The following PTPRD variants were observed in gnomAD, a reference collection of about 807,000 sequenced individuals.
PTPRD encodes the protein protein tyrosine phosphatase receptor type D, also known as receptor-type tyrosine-protein phosphatase delta.
In PTPRD, 34 loss-of-function variants were observed where a neutral mutation model predicts 214.5. That is an observed-to-expected ratio of 0.16 (90% CI 0.12 to 0.21). The LOEUF is 0.21. Among genes scored for constraint, PTPRD ranks in the 10% least tolerant of loss-of-function variants. The pLI is 1.00. For missense variants in PTPRD, 2,545 were observed against 2,398.7 expected (o/e 1.06, Z -1.27); for synonymous variants, 1,128 against 845.7 (o/e 1.33, Z -5.79).
At chr9:9,347,343 T>G in intron 9 of PTPRD, among the ~76,000 whole-genome samples, 1 of 150,462 alleles carries the variant, frequency 6.6e-6, no homozygotes, top group East Asian at 1.9e-4. Context: ...TATCTATATA[T>G]CTATATGCAT....
rs867963053 is a variant in PTPRD, at chr9:9,139,130, T to C, written c.-143+44174A>G. Among the ~76,000 whole-genome samples, 229 of 141,336 alleles carry C rather than the reference T, an allele frequency of 1.6e-3. 2 individuals are homozygous for C. The highest frequency in any genetic ancestry group is 5.3e-3 in the African/African-American group (208 of 39,082). 92.7% of individuals were successfully genotyped at this position (141,336 alleles called of 152,430 possible). ...CCGCCCCCACCTTATCCGTGGGGGA[T>C]ACATTCTGAGACTCCTAGTGAATAC... On this transcript the variant is annotated intron_variant, in intron 10 of 45. Coordinates refer to ENST00000381196, the MANE Select transcript of PTPRD (RefSeq NM_002839.4).
At chr9:10,407,835 T>C (rs2098389024) in intron 2 of PTPRD, among the ~76,000 whole-genome samples, 5 of 151,634 alleles carry the variant, frequency 3.3e-5, no homozygotes, top group South Asian at 4.1e-4. Flanking sequence ...GAATGCTACA[T>C]ACTGCAAATG....
intron 3 of PTPRD, among the ~76,000 whole-genome samples, chr9:10,235,583 T>C (rs1379443291): frequency 6.6e-6 from 1 of 151,948 alleles, no homozygotes; most frequent in African/African-American, 2.4e-5. Flanking sequence ...GGAAAACAAA[T>C]GCTGGCACAA....
At chr9:8,495,171 G>A (rs1482101603) in intron 26 of PTPRD, among the ~76,000 whole-genome samples, 1 of 152,104 alleles carries the variant, frequency 6.6e-6, no homozygotes, top group Non-Finnish European at 1.5e-5. Context: ...ATGTTTTCCT[G>A]TGACTACCCA....
intron 31 of PTPRD, among the ~76,000 whole-genome samples, chr9:8,467,892 A>C (rs938643372): frequency 2.6e-5 from 4 of 152,014 alleles, no homozygotes; most frequent in African/African-American, 9.7e-5. Context: ...ACCAAGAAGG[A>C]AAATGCACTG....
chr9:9,523,576 G>A (rs1268524166), intron 8 of PTPRD, among the ~76,000 whole-genome samples: 1 of 152,098 alleles, frequency 6.6e-6, no homozygotes, highest in South Asian at 2.1e-4. Context: ...CTTCCTCACA[G>A]AAGTCTGGCT....
chr9:9,666,865 C>T (rs771550621), intron 7 of PTPRD, among the ~76,000 whole-genome samples: 3 of 151,864 alleles, frequency 2.0e-5, no homozygotes, highest in Non-Finnish European at 2.9e-5. Flanking sequence ...CTCCTTTTTT[C>T]CCTTAATGCT....
chr9:9,123,919 G>T (rs537538989), intron 10 of PTPRD, among the ~76,000 whole-genome samples: 44 of 151,822 alleles, frequency 2.9e-4, no homozygotes, highest in African/African-American at 1.0e-3. Flanking sequence ...AGGAGACAAA[G>T]AGAATATCTA....
At chr9:10,512,931 A>G (rs2048783556) in intron 2 of PTPRD, among the ~76,000 whole-genome samples, 1 of 152,074 alleles carries the variant, frequency 6.6e-6, no homozygotes, top group South Asian at 2.1e-4. Flanking sequence ...TGTCAAGAGG[A>G]CTGAAATTAC....
intron 11 of PTPRD, among the ~76,000 whole-genome samples, chr9:8,970,408 A>T (rs186170613): frequency 3.0e-4 from 45 of 152,026 alleles, no homozygotes; most frequent in African/African-American, 1.0e-3. Flanking sequence ...CTTGTGAAAA[A>T]ATTCTGCAAA....
At chr9:9,182,926 G>C (rs1036367029) in intron 10 of PTPRD, among the ~76,000 whole-genome samples, 1 of 151,832 alleles carries the variant, frequency 6.6e-6, no homozygotes, top group African/African-American at 2.4e-5. Flanking sequence ...CCACCACCGA[G>C]GGCTAATAAT....
chr9:9,678,656 G>T (rs1004443919), intron 7 of PTPRD, among the ~76,000 whole-genome samples: 1 of 151,680 alleles, frequency 6.6e-6, no homozygotes, highest in Non-Finnish European at 1.5e-5. Flanking sequence ...GTCTCGCCAT[G>T]CTCCAAAAGT....
chr9:10,273,068 G>A (rs1323505), intron 3 of PTPRD, among the ~76,000 whole-genome samples: 23,709 of 152,138 alleles, frequency 0.16, 1,928 homozygotes, highest in Non-Finnish European at 0.17. Flanking sequence ...TGTGTATGCA[G>A]CTGTTTTCCT....
In PTPRD at chr9:10,188,113, T is replaced by G. The variant is rs907557026; in HGVS notation, c.-545+152850A>C. Among the ~76,000 whole-genome samples, 4 of 152,198 alleles carry G rather than the reference T, an allele frequency of 2.6e-5. No homozygotes were observed. The South Asian group carries it at 8.3e-4, about 31-fold the overall frequency. ...ACATTATTTCGAAAACCCATGGTAT[T>G]TCATGCTAAAGTCATTTCATTTATG... On this transcript the variant is annotated intron_variant, in intron 3 of 45. Transcript: ENST00000381196.
chr9:9,774,070 G>A (rs1177518647), intron 5 of PTPRD, among the ~76,000 whole-genome samples: 3 of 152,116 alleles, frequency 2.0e-5, no homozygotes, highest in African/African-American at 7.2e-5. Flanking sequence ...TTTGCACTAA[G>A]GTCTGCCTTG....
chr9:9,951,758 A>G (rs1157695655), intron 4 of PTPRD, among the ~76,000 whole-genome samples: 4 of 152,260 alleles, frequency 2.6e-5, no homozygotes, highest in Non-Finnish European at 5.9e-5. Flanking sequence ...GAGGAAACAG[A>G]TTATACATCA....
At chr9:10,321,854 G>T (rs973187842) in intron 3 of PTPRD, among the ~76,000 whole-genome samples, 2 of 151,912 alleles carry the variant, frequency 1.3e-5, no homozygotes, top group African/African-American at 4.8e-5. Context: ...AAATGTTTCA[G>T]TTTTTTTCGG....
chr9:10,407,760 C>A (rs2098387569), intron 2 of PTPRD, among the ~76,000 whole-genome samples: 1 of 151,502 alleles, frequency 6.6e-6, no homozygotes, highest in African/African-American at 2.4e-5. Context: ...TGGTAACCTG[C>A]TAGATTACCT....
At chr9:8,675,545 A>C (rs1406494498) in intron 12 of PTPRD, among the ~76,000 whole-genome samples, 19 of 144,082 alleles carry the variant, frequency 1.3e-4, no homozygotes, top group Admixed American at 3.5e-4. Context: ...ACACAAAAAA[A>C]AAAAAAAAAA....
Sources: allele counts gnomAD v4.1 joint callset (sites outside exome capture counted in the v4.1 genomes callset), GRCh38; gene constraint gnomAD v4.1.1; transcripts MANE v1.5; gene names NCBI Gene and HGNC (gene_info 2026-07-23, HGNC 2026-07-21).